The following ST6GALNAC3 variants were observed in gnomAD, a reference collection of about 807,000 sequenced individuals.
ST6GALNAC3 encodes the protein ST6 N-acetylgalactosaminide alpha-2,6-sialyltransferase 3, also known as alpha-N-acetylgalactosaminide alpha-2,6-sialyltransferase 3.
ST6GALNAC3 carries 25 observed loss-of-function variants against 32.7 expected under a neutral mutation model. That is an observed-to-expected ratio of 0.76 (90% CI 0.56 to 1.07). ST6GALNAC3 has a LOEUF of 1.07. Ranked by LOEUF, ST6GALNAC3 falls within the 50% of genes least tolerant of loss-of-function variation. ST6GALNAC3 has a pLI of 0.00. For synonymous variants in ST6GALNAC3, 129 were observed against 133.1 expected (o/e 0.97, Z 0.21); for missense variants, 355 against 382.4 (o/e 0.93, Z 0.60).
At chr1:76,128,357 T>C (rs142284809) in intron 1 of ST6GALNAC3, among the ~76,000 whole-genome samples, 1 of 152,344 alleles carries the variant, frequency 6.6e-6, no homozygotes, top group African/African-American at 2.4e-5. Flanking sequence ...GGAGCAGATA[T>C]ACAAGTGGAC....
intron 3 of ST6GALNAC3, among the ~76,000 whole-genome samples, chr1:76,532,536 A>C (rs1185538154): frequency 1.3e-5 from 2 of 152,134 alleles, no homozygotes; most frequent in Admixed American, 6.5e-5. Flanking sequence ...CGTAACATAG[A>C]AATCGGGAGT....
chr1:76,562,792 A>G (rs1665322483), intron 3 of ST6GALNAC3, among the ~76,000 whole-genome samples: 1 of 152,238 alleles, frequency 6.6e-6, no homozygotes, highest in Non-Finnish European at 1.5e-5. Flanking sequence ...CTGTATCAAT[A>G]TTTGTACAAT....
At chr1:76,291,323 C>T (rs1296174937) in intron 1 of ST6GALNAC3, among the ~76,000 whole-genome samples, 1 of 152,230 alleles carries the variant, frequency 6.6e-6, no homozygotes, top group East Asian at 1.9e-4. Context: ...CTCCATCAGC[C>T]ACGCCAGCCG....
At chr1:76,408,207 G>A (rs1468390210) in intron 2 of ST6GALNAC3, among the ~76,000 whole-genome samples, 1 of 151,948 alleles carries the variant, frequency 6.6e-6, no homozygotes, top group Non-Finnish European at 1.5e-5. Flanking sequence ...CTTTAAAGAT[G>A]GTTCCTGCAA....
At chr1:76,127,012 T>C (rs540574271) in intron 1 of ST6GALNAC3, among the ~76,000 whole-genome samples, 1 of 152,224 alleles carries the variant, frequency 6.6e-6, no homozygotes, top group African/African-American at 2.4e-5. Context: ...AAAATGATGC[T>C]AACAAAGTTC....
chr1:76,441,849 T>C (rs1046038636), intron 3 of ST6GALNAC3, among the ~76,000 whole-genome samples: 1 of 152,216 alleles, frequency 6.6e-6, no homozygotes, highest in African/African-American at 2.4e-5. Context: ...AATCTGGTTC[T>C]TTCTCTGGCC....
At chr1:76,279,674 T>A (rs1176476811) in intron 1 of ST6GALNAC3, among the ~76,000 whole-genome samples, 4 of 152,164 alleles carry the variant, frequency 2.6e-5, no homozygotes, top group Non-Finnish European at 5.9e-5. Flanking sequence ...GAGGCGGAAG[T>A]GGCGTCCATG....
At chr1:76,096,918 C>CTTT (rs545909921) in intron 1 of ST6GALNAC3, among the ~76,000 whole-genome samples, 7 of 130,684 alleles carry the variant, frequency 5.4e-5, no homozygotes, top group Middle Eastern at 4.1e-3. Flanking sequence ...AGTCATAGAG[C>CTTT]TTTTTTTTTT....
At chr1:76,474,275 G>A (rs1180428074) in intron 3 of ST6GALNAC3, among the ~76,000 whole-genome samples, 1 of 152,174 alleles carries the variant, frequency 6.6e-6, no homozygotes, top group Admixed American at 6.5e-5. Context: ...AAAGCAGAGA[G>A]ACAAATTACA....
intron 3 of ST6GALNAC3, among the ~76,000 whole-genome samples, chr1:76,488,157 G>T (rs968683366): frequency 1.3e-5 from 2 of 152,190 alleles, no homozygotes; most frequent in Non-Finnish European, 2.9e-5. Context: ...GGTGGAAGGT[G>T]TTTGGATGAT....
intron 1 of ST6GALNAC3, among the ~76,000 whole-genome samples, chr1:76,225,323 C>T (rs896783224): frequency 6.6e-6 from 1 of 152,138 alleles, no homozygotes; most frequent in Non-Finnish European, 1.5e-5. Flanking sequence ...TAATTGGAAA[C>T]CTGTGACTTT....
chr1:76,575,496 A>T (rs1461740872), intron 3 of ST6GALNAC3, among the ~76,000 whole-genome samples: 2 of 152,092 alleles, frequency 1.3e-5, no homozygotes, highest in Non-Finnish European at 2.9e-5. Flanking sequence ...ATATGGGTGG[A>T]TTTGAGTAGA....
rs76911239 is a variant in ST6GALNAC3 at position 76,131,659 on chromosome 1, G to A, written c.18+56775G>A. Reference sequence around the variant, plus strand: ...AGTCTCTCAGTCTCCCTGTGTTGGTGACCTTTTTGACCAGGATATTAAATT... The same window carrying A: ...AGTCTCTCAGTCTCCCTGTGTTGGTAACCTTTTTGACCAGGATATTAAATT... On this transcript the variant is annotated intron_variant, in intron 1 of 4. Transcript: ENST00000328299. Among the ~76,000 whole-genome samples, 509 of 152,328 alleles carry A rather than the reference G, an allele frequency of 3.3e-3. 4 individuals are homozygous for A. The highest frequency in any genetic ancestry group is 0.012 in the African/African-American group (490 of 41,572).
intron 2 of ST6GALNAC3, among the ~76,000 whole-genome samples, chr1:76,391,041 G>A (rs1448637584): frequency 1.3e-5 from 2 of 150,884 alleles, no homozygotes; most frequent in African/African-American, 4.9e-5. Context: ...CCAGGATCAC[G>A]CCATTCTCCT....
intron 1 of ST6GALNAC3, among the ~76,000 whole-genome samples, chr1:76,299,248 A>G (rs1660589040): frequency 6.6e-6 from 1 of 152,028 alleles, no homozygotes; most frequent in African/African-American, 2.4e-5. Context: ...TTGCTGCACT[A>G]GGGCAATAGA....
intron 3 of ST6GALNAC3, among the ~76,000 whole-genome samples, chr1:76,494,127 C>T (rs1476665769): frequency 6.6e-6 from 1 of 151,948 alleles, no homozygotes; most frequent in Admixed American, 6.6e-5. Flanking sequence ...GAACACACTC[C>T]TGGTGCCTTT....
At chr1:76,620,973 C>T (rs1648605729) in intron 3 of ST6GALNAC3, among the ~76,000 whole-genome samples, 1 of 151,978 alleles carries the variant, frequency 6.6e-6, no homozygotes, top group Non-Finnish European at 1.5e-5. Flanking sequence ...AGAAAATAAC[C>T]TTTTAATTTC....
chr1:76,335,619 T>C (rs781314623), intron 2 of ST6GALNAC3, among the ~76,000 whole-genome samples: 13 of 152,210 alleles, frequency 8.5e-5, no homozygotes, highest in Non-Finnish European at 1.8e-4. Flanking sequence ...AAATTGATTT[T>C]TTTTCTTCAT....
intron 1 of ST6GALNAC3, among the ~76,000 whole-genome samples, chr1:76,233,515 T>A (rs72675937): frequency 0.034 from 5,214 of 152,244 alleles, 165 homozygotes; most frequent in African/African-American, 0.087. Flanking sequence ...TATAGTTTAA[T>A]CCACCACAAA....
Sources: allele counts gnomAD v4.1 joint callset (sites outside exome capture counted in the v4.1 genomes callset), GRCh38; gene constraint gnomAD v4.1.1; transcripts MANE v1.5; gene names NCBI Gene and HGNC (gene_info 2026-07-23, HGNC 2026-07-21).